PKHD1: variants seen among roughly 807,000 people sequenced by gnomAD.
The protein encoded by PKHD1 is fibrocystin.
Under a neutral mutation model 412.0 loss-of-function variants are expected in PKHD1, and 291 were observed. That is an observed-to-expected ratio of 0.71 (90% confidence interval 0.64 to 0.78). The LOEUF (loss-of-function observed/expected upper bound fraction) is 0.78. PKHD1 is among the 30% of genes least tolerant of loss of function. The pLI is 0.00. For missense variants in PKHD1, 4,825 were observed against 4,950.7 expected (o/e 0.97, Z 0.76); for synonymous variants, 1,777 against 1,821.5 (o/e 0.98, Z 0.62).
chr6:52,040,251 T>C (rs1017718105), intron 27 of PKHD1, among the ~76,000 whole-genome samples: 4 of 152,194 alleles, frequency 2.6e-5, no homozygotes, highest in African/African-American at 9.7e-5. Flanking sequence ...AGTTTTATGA[T>C]ATGGGAATTA....
intron 42 of PKHD1, 126 bp downstream of exon 42, chr6:51,903,860 T>C (rs1438757342): frequency 2.4e-6 from 1 of 414,000 alleles, no homozygotes; most frequent in Non-Finnish European, 4.0e-6. Flanking sequence ...TATATATATA[T>C]TTAGAAAATA....
At chr6:51,625,253 C>T (rs905978807) in intron 66 of PKHD1, among the ~76,000 whole-genome samples, 5 of 151,938 alleles carry the variant, frequency 3.3e-5, no homozygotes, top group African/African-American at 1.2e-4. Flanking sequence ...ACTTTATCAG[C>T]AAATGTTAAA....
chr6:51,982,196 GC>G (rs1252434156), intron 35 of PKHD1, among the ~76,000 whole-genome samples: 21 of 32,512 alleles, frequency 6.5e-4, no homozygotes, highest in East Asian at 2.1e-3. Context: ...GGGGGGGTCA[GC>G]CCCCCGCCCG....
At chr6:51,668,714 C>A (rs56179736) in intron 60 of PKHD1, among the ~76,000 whole-genome samples, 3 of 152,070 alleles carry the variant, frequency 2.0e-5, no homozygotes, top group East Asian at 1.9e-4. Context: ...TTTTGAGATA[C>A]GTCCCATCAA....
Position 52,010,557 on chromosome 6 carries a change from A to G in PKHD1, c.5601-98T>C, listed in dbSNP as rs1013018810. 3 of 1,030,714 alleles carry G rather than the reference A, an allele frequency of 2.9e-6. No homozygotes were observed. The East Asian group carries it at 7.1e-5, about 25-fold the overall frequency. The allele number at this position is 1,030,714 out of a possible 1,614,324, so 63.8% of individuals were successfully genotyped here. On this transcript the variant is annotated intron_variant, in intron 34 of 66. Transcript: ENST00000371117. ...TCATTGCAAGCCATTAGCTTGTGGCAACTACAGGCCACCATTTGTCAAATT... is the reference window on the plus strand; with the variant it reads ...TCATTGCAAGCCATTAGCTTGTGGCGACTACAGGCCACCATTTGTCAAATT...
chr6:51,642,548 G>A (rs1430724147), intron 63 of PKHD1, among the ~76,000 whole-genome samples: 1 of 151,988 alleles, frequency 6.6e-6, no homozygotes, highest in Non-Finnish European at 1.5e-5. Flanking sequence ...AGGGATATAA[G>A]TAAGGGATGG....
At chr6:52,006,157 T>C (rs1369580226) in intron 35 of PKHD1, among the ~76,000 whole-genome samples, 1 of 151,714 alleles carries the variant, frequency 6.6e-6, no homozygotes, top group Non-Finnish European at 1.5e-5. Flanking sequence ...CCCTCCCATC[T>C]AGGTCACTAA....
intron 60 of PKHD1, among the ~76,000 whole-genome samples, chr6:51,668,552 G>A (rs370301698): frequency 2.0e-5 from 3 of 151,804 alleles, no homozygotes; most frequent in Admixed American, 6.6e-5. Context: ...TCTCCTGCCT[G>A]ATTGCCCTGG....
chr6:51,899,053 C>T (rs866156368), intron 43 of PKHD1, among the ~76,000 whole-genome samples: 1 of 152,158 alleles, frequency 6.6e-6, no homozygotes, highest in Non-Finnish European at 1.5e-5. Flanking sequence ...GAGTCCAGGA[C>T]CAGGCAGATT....
rs147210503 is a variant in PKHD1, at chr6:51,804,359, T to TGG, written c.8303-12988_8303-12987dup. On this transcript the variant is annotated intron_variant, in intron 52 of 66. Transcript: ENST00000371117. ...ACTAAGTAGAGAAATACTAATTCAT[T>TGG]GGGGGGGGGGGGGGCGGTAACAGGA... Among the ~76,000 whole-genome samples the TGG allele has an allele frequency of 1.6e-3, 50 of 31,818 alleles. 12 individuals carry two copies. The highest frequency in any genetic ancestry group is 2.3e-3 in the Admixed American group (5 of 2,218). The allele number at this position is 31,818 out of a possible 152,430, so 20.9% of individuals were successfully genotyped here. A position where few individuals can be genotyped will look rare whatever the true frequency, so the allele number is the denominator to read the frequency against.
chr6:51,726,442 C>T (rs187806984), intron 60 of PKHD1, among the ~76,000 whole-genome samples: 41 of 152,296 alleles, frequency 2.7e-4, no homozygotes, highest in African/African-American at 8.4e-4. Flanking sequence ...CCAGGCTATA[C>T]TGGCCCCGCA....
chr6:51,938,748 C>T (rs1787932913), intron 36 of PKHD1, among the ~76,000 whole-genome samples: 2 of 151,632 alleles, frequency 1.3e-5, no homozygotes, highest in African/African-American at 4.8e-5. Flanking sequence ...CCCTGTCCTC[C>T]TGCTCTTTGT....
intron 50 of PKHD1, among the ~76,000 whole-genome samples, chr6:51,847,259 C>CTTT (rs1771338482): frequency 7.3e-6 from 1 of 136,100 alleles, no homozygotes. Flanking sequence ...CCATGCCCAG[C>CTTT]ATTTTTTTTT....
rs1775328686 is a variant in PKHD1, at chr6:51,867,846, T to C, written c.7733+17A>G. On this transcript the variant is annotated intron_variant, in intron 48 of 66. Coordinates refer to ENST00000371117, the MANE Select transcript of PKHD1 (RefSeq NM_138694.4). The stretch of plus-strand genomic sequence containing the variant: ...ATGCCCATCGGCAAGCTAAAAAGTA[T>C]AGTTAATTCCACTTACAAACCAATA... The C allele has an allele frequency of 6.2e-7, 1 of 1,611,114 alleles. No homozygotes were observed. Among genetic ancestry groups the C allele is most frequent in the African/African-American group, 1.3e-5 (1 of 74,846 alleles).
At chr6:52,038,147 C>T (rs998047510) in intron 27 of PKHD1, among the ~76,000 whole-genome samples, 18 of 151,958 alleles carry the variant, frequency 1.2e-4, no homozygotes, top group African/African-American at 4.1e-4. Flanking sequence ...TTTGGGAGGC[C>T]GAGGCAGGCA....
intron 60 of PKHD1, among the ~76,000 whole-genome samples, chr6:51,660,920 G>A (rs1488120148): frequency 6.6e-6 from 1 of 152,098 alleles, no homozygotes; most frequent in Non-Finnish European, 1.5e-5. Flanking sequence ...CCCTTCCCCT[G>A]AAATGGGGAT....
intron 4 of PKHD1, among the ~76,000 whole-genome samples, chr6:52,080,286 G>C (rs983772928): frequency 6.6e-6 from 1 of 152,116 alleles, no homozygotes; most frequent in Non-Finnish European, 1.5e-5. Context: ...TGGACTTTAA[G>C]AATTAGAAGA....
chr6:51,687,392 T>C (rs1040165594), intron 60 of PKHD1, among the ~76,000 whole-genome samples: 2 of 152,198 alleles, frequency 1.3e-5, no homozygotes, highest in African/African-American at 4.8e-5. Flanking sequence ...ATCAGCTATA[T>C]TGTATGCATT....
chr6:51,640,229 A>G (rs1328771979), intron 63 of PKHD1, among the ~76,000 whole-genome samples: 1 of 152,218 alleles, frequency 6.6e-6, no homozygotes, highest in African/African-American at 2.4e-5. Flanking sequence ...TCTTTGGAAG[A>G]ATACAAAGCA....
Sources: allele counts gnomAD v4.1 joint callset (sites outside exome capture counted in the v4.1 genomes callset), GRCh38; gene constraint gnomAD v4.1.1; transcripts MANE v1.5; gene names NCBI Gene and HGNC (gene_info 2026-07-23, HGNC 2026-07-21).